MTHFD1L: variants seen among roughly 807,000 people sequenced by gnomAD.
The protein encoded by MTHFD1L is methylenetetrahydrofolate dehydrogenase (NADP+ dependent) 1 like, also known as monofunctional C1-tetrahydrofolate synthase, mitochondrial.
A neutral mutation model predicts 119.5 loss-of-function variants in MTHFD1L; 81 were observed. The ratio of observed to expected loss-of-function variants is 0.68; its 90% confidence interval spans 0.57 to 0.82. The LOEUF (loss-of-function observed/expected upper bound fraction) is 0.82, where lower values mean the gene tolerates loss of function less well. Among genes scored for constraint, MTHFD1L ranks in the 40% least tolerant of loss-of-function variants. The pLI is 0.00. For synonymous variants in MTHFD1L, 430 were observed against 475.2 expected, an observed-to-expected ratio of 0.90 and a Z score of 1.24; for missense variants, 1,125 against 1,253.4, an observed-to-expected ratio of 0.90 and a Z score of 1.55.
intron 26 of MTHFD1L, among the ~76,000 whole-genome samples, chr6:151,070,299 T>C (rs1452440259): frequency 6.6e-6 from 1 of 152,206 alleles, no homozygotes; most frequent in Non-Finnish European, 1.5e-5. Flanking sequence ...TCCCCAAAAA[T>C]GCTGAAACCA....
chr6:150,972,564 C>T (rs1285244109), intron 20 of MTHFD1L, among the ~76,000 whole-genome samples: 2 of 152,316 alleles, frequency 1.3e-5, no homozygotes, highest in African/African-American at 4.8e-5. Flanking sequence ...ATTGCTCGAG[C>T]CCAGGAGTTT....
intron 20 of MTHFD1L, among the ~76,000 whole-genome samples, chr6:150,977,697 C>G (rs1776783028): frequency 6.6e-6 from 1 of 152,126 alleles, no homozygotes; most frequent in Admixed American, 6.6e-5. Context: ...TTGTTTTCTG[C>G]TCTCTCAGTT....
chr6:150,887,237 C>T (rs1018976271), intron 6 of MTHFD1L, among the ~76,000 whole-genome samples: 8 of 152,046 alleles, frequency 5.3e-5, no homozygotes, highest in Middle Eastern at 3.4e-3. Flanking sequence ...TTTTTCATTA[C>T]GTGGATTATC....
chr6:150,877,732 A>G, intron 3 of MTHFD1L, 41 bp from the exon 4 acceptor site: 2 of 1,614,156 alleles, frequency 1.2e-6, no homozygotes, highest in African/African-American at 1.3e-5. Context: ...TTAACAATAC[A>G]TTCTCTTATA....
chr6:150,877,448 C>T (rs1284364245), intron 2 of MTHFD1L, among the ~76,000 whole-genome samples, 186 bp from the exon 3 acceptor site: 4 of 152,270 alleles, frequency 2.6e-5, no homozygotes, highest in Non-Finnish European at 2.9e-5. Flanking sequence ...AATTTGAAGG[C>T]CTGAGGAATT....
At chr6:151,022,783 G>C (rs570932726) in intron 24 of MTHFD1L, among the ~76,000 whole-genome samples, 1 of 152,134 alleles carries the variant, frequency 6.6e-6, no homozygotes, top group Non-Finnish European at 1.5e-5. Context: ...GTGTTCTGTG[G>C]AAAGCTGGTC....
intron 1 of MTHFD1L, chr6:150,866,378 G>A: frequency 7.1e-7 from 1 of 1,403,618 alleles, no homozygotes; most frequent in Non-Finnish European, 9.2e-7. Context: ...CGCCGGGCGC[G>A]ACCCAGACGG....
At chr6:151,052,563 C>T (rs776821600) in intron 26 of MTHFD1L, among the ~76,000 whole-genome samples, 12 of 152,188 alleles carry the variant, frequency 7.9e-5, no homozygotes, top group Non-Finnish European at 1.5e-4. Flanking sequence ...ACATTCCAGA[C>T]GGCAGTGGGC....
intron 26 of MTHFD1L, among the ~76,000 whole-genome samples, chr6:151,065,102 C>T (rs1404452253): frequency 6.6e-6 from 1 of 152,222 alleles, no homozygotes; most frequent in East Asian, 1.9e-4. Context: ...CCATGCCCGG[C>T]CACTATTCTT....
At chr6:151,058,523 C>T (rs62441041) in intron 26 of MTHFD1L, among the ~76,000 whole-genome samples, 1,729 of 152,314 alleles carry the variant, frequency 0.011, 20 homozygotes, top group Admixed American at 0.024. Flanking sequence ...GTATGAGAGA[C>T]GGCAATTAGC....
At chr6:150,905,825 CTTT>C in intron 8 of MTHFD1L, 64 bp downstream of exon 8, 1 of 1,273,634 alleles carries the variant, frequency 7.9e-7, no homozygotes, top group Non-Finnish European at 1.1e-6. Flanking sequence ...AAATGTTAAC[CTTT>C]TCCTAAGAGG....
chr6:150,934,537 G>A (rs147556570), intron 11 of MTHFD1L, among the ~76,000 whole-genome samples: 60 of 152,308 alleles, frequency 3.9e-4, no homozygotes, highest in African/African-American at 1.3e-3. Flanking sequence ...TGTCCCCAGC[G>A]TCTAGCTCAG....
chr6:151,091,200 T>A (rs1036779195), intron 26 of MTHFD1L, among the ~76,000 whole-genome samples: 1 of 150,426 alleles, frequency 6.6e-6, no homozygotes, highest in Non-Finnish European at 1.5e-5. Context: ...CATCGTTCCA[T>A]GCGACTGGGT....
At chr6:151,024,886 A>G (rs1303002808) in intron 24 of MTHFD1L, among the ~76,000 whole-genome samples, 1 of 152,122 alleles carries the variant, frequency 6.6e-6, no homozygotes, top group African/African-American at 2.4e-5. Flanking sequence ...CTCAAAGAAA[A>G]CAAAACAGAA....
At chr6:150,935,109 C>G in intron 11 of MTHFD1L, 2 of 1,613,842 alleles carry the variant, frequency 1.2e-6, no homozygotes, top group Non-Finnish European at 1.7e-6. Context: ...TTTGTAAATA[C>G]CATACCTACC....
chr6:151,074,729 G>A (rs967536846), intron 26 of MTHFD1L, among the ~76,000 whole-genome samples: 7 of 152,108 alleles, frequency 4.6e-5, no homozygotes, highest in Non-Finnish European at 8.8e-5. Flanking sequence ...TTACCATTCT[G>A]TTACAGCCAC....
chr6:150,936,221 T>A (rs1792028760), intron 11 of MTHFD1L, among the ~76,000 whole-genome samples: 1 of 152,146 alleles, frequency 6.6e-6, no homozygotes, highest in African/African-American at 2.4e-5. Flanking sequence ...GTAACAGCTG[T>A]CTGTAAATGA....
chr6:150,932,816 G>GAGGGAGGAAGGAAGGAAAGA (rs1554253940), intron 11 of MTHFD1L, among the ~76,000 whole-genome samples: 15 of 119,482 alleles, frequency 1.3e-4, no homozygotes, highest in African/African-American at 3.0e-4. Context: ...GAGAGGGAGG[G>GAGGGAGGAAGGAAGGAAAGA]AGGAAGGAAG....
chr6:150,959,811 T>C (rs1048459715), intron 17 of MTHFD1L, among the ~76,000 whole-genome samples: 2 of 152,186 alleles, frequency 1.3e-5, no homozygotes, highest in African/African-American at 2.4e-5. Flanking sequence ...ATCTGATGCA[T>C]ATTGTATGCC....
Sources: allele counts gnomAD v4.1 joint callset (sites outside exome capture counted in the v4.1 genomes callset), GRCh38; gene constraint gnomAD v4.1.1; transcripts MANE v1.5; gene names NCBI Gene and HGNC (gene_info 2026-07-23, HGNC 2026-07-21).